The following CLTRN variants were observed in gnomAD, a reference collection of about 807,000 sequenced individuals.
The protein encoded by CLTRN is collectrin.
Under a neutral mutation model 14.5 loss-of-function variants are expected in CLTRN, and 12 were observed. The observed-to-expected ratio is 0.83, with a 90% CI of 0.53 to 1.34. CLTRN has a LOEUF of 1.34. CLTRN is among the 40% of genes most tolerant of loss of function. CLTRN has a pLI of 0.00. For synonymous variants in CLTRN, 58 were observed against 56.5 expected (o/e 1.03, Z -0.12); for missense variants, 154 against 165.1 (o/e 0.93, Z 0.37).
Position 15,630,346 on chromosome X carries a change from G to A in CLTRN, c.513-2219C>T, listed in dbSNP as rs767831370. Reference sequence around the variant, plus strand: ...CAGTAGCCCTAGGTAGACCTTGAACGGGCTTTACCACAAGAAAGAAGGAAG... The same window carrying A: ...CAGTAGCCCTAGGTAGACCTTGAACAGGCTTTACCACAAGAAAGAAGGAAG... On this transcript the variant is annotated intron_variant, in intron 5 of 5. Transcript: ENST00000380342. Among the ~76,000 whole-genome samples the A allele has an allele frequency of 8.8e-5, 9 of 102,610 alleles. No individual in the cohort carries two copies. The South Asian group carries it at 2.7e-3, about 31-fold the overall frequency. The allele number at this position is 102,610 out of a possible 115,157, so 89.1% of individuals were successfully genotyped here.
chrX:15,645,089 C>T (rs1187509894), intron 3 of CLTRN, 60 bp from the exon 4 acceptor site: 2 of 678,355 alleles, frequency 2.9e-6, no homozygotes, highest in Non-Finnish European at 2.2e-6. Context: ...GGCATTAAAC[C>T]GTTCACTCTG....
At chrX:15,663,493 C>T (rs1428258396) in intron 2 of CLTRN, among the ~76,000 whole-genome samples, 1 of 112,399 alleles carries the variant, frequency 8.9e-6, no homozygotes, top group Non-Finnish European at 1.9e-5. Flanking sequence ...GTTGTGAGGG[C>T]TAAATGATTT....
In CLTRN at chrX:15,627,981, G is replaced by A; in HGVS notation, c.659C>T (p.Thr220Ile). 1 of 1,032,776 alleles carries A rather than the reference G, an allele frequency of 9.7e-7. No homozygotes were observed. Among genetic ancestry groups the A allele is most frequent in the Non-Finnish European group, 1.3e-6 (1 of 797,423 alleles). The allele number at this position is 1,032,776 out of a possible 1,213,427, so 85.1% of individuals were successfully genotyped here. Residue 220 changes from threonine to isoleucine, a missense_variant, in exon 6 of 6, where the codon ACC becomes ATC. Transcript: ENST00000380342. ...DAFMTEDERL[T>I]PL Reference sequence around the variant, plus strand: ...CAGAACAACAGCCCTTCAGAGAGGGGTGAGCCTCTCATCCTCTGTCATGAA... The same window carrying A: ...CAGAACAACAGCCCTTCAGAGAGGGATGAGCCTCTCATCCTCTGTCATGAA...
At chrX:15,646,775 G>T in intron 3 of CLTRN, 1 of 338,086 alleles carries the variant, frequency 3.0e-6, no homozygotes, top group Non-Finnish European at 5.9e-6. Flanking sequence ...ACATGAAGCG[G>T]TGGCTTTGGA....
chrX:15,669,707 T>C (rs16980081), upstream of CLTRN, among the ~76,000 whole-genome samples: 321 of 112,095 alleles, frequency 2.9e-3, 1 homozygote, highest in African/African-American at 0.01. Context: ...TGGGCGTATG[T>C]AGGCTCCATT....
At chrX:15,628,207 G>A in intron 5 of CLTRN, 80 bp from the exon 6 acceptor site, 1 of 735,165 alleles carries the variant, frequency 1.4e-6, no homozygotes, top group Non-Finnish European at 1.8e-6. Context: ...AACGAACATG[G>A]AGAACAGGAA....
chrX:15,672,763 T>A (rs1395037248), intron 1 of CLTRN, among the ~76,000 whole-genome samples: 1 of 111,819 alleles, frequency 8.9e-6, no homozygotes, highest in Non-Finnish European at 1.9e-5. Flanking sequence ...TGCAGCCATT[T>A]GCTCATCCCA....
At chrX:15,665,096 G>A (rs755882876), upstream of CLTRN, 6 of 223,829 alleles carry the variant, frequency 2.7e-5, no homozygotes, top group South Asian at 8.8e-5. Flanking sequence ...CTCTGGTTAC[G>A]TGTATGATGG....
intron 5 of CLTRN, among the ~76,000 whole-genome samples, chrX:15,633,560 AT>A (rs1928750182): frequency 8.9e-6 from 1 of 112,960 alleles, no homozygotes; most frequent in Non-Finnish European, 1.9e-5. Flanking sequence ...TATATTCGCT[AT>A]GACATTACTC....
At chrX:15,664,653 C>G in intron 1 of CLTRN, 65 bp downstream of exon 1, 1 of 1,008,385 alleles carries the variant, frequency 9.9e-7, no homozygotes, top group Non-Finnish European at 1.4e-6. Flanking sequence ...AGAGTTCTTT[C>G]AGTCGATGAC....
intron 3 of CLTRN, chrX:15,646,226 G>C (rs1601726910): frequency 4.4e-6 from 1 of 229,803 alleles, no homozygotes; most frequent in East Asian, 1.2e-4. Context: ...CCTGCCCCAT[G>C]CAACACTTGG....
chrX:15,628,044 TC>T lies in CLTRN; in HGVS notation c.595del (p.Asp199IlefsTer5). 1 of 1,150,233 alleles carries T rather than the reference TC, an allele frequency of 8.7e-7. No homozygotes were observed. The highest frequency in any genetic ancestry group is 1.2e-6 in the Non-Finnish European group (1 of 860,827). 94.8% of individuals were successfully genotyped at this position (1,150,233 alleles called of 1,213,427 possible). ...MITIENGIPS[D>X]PLDMKGGHIN... ...ATGCCCTCCCTTCATGTCCAGGGGA[TC>T]AGAGGGGATGCCATTTTCAATTGTG... On this transcript the variant is annotated frameshift_variant, in exon 6 of 6. Coordinates refer to ENST00000380342, the MANE Select transcript of CLTRN (RefSeq NM_020665.6). LOFTEE classifies it high-confidence loss of function.
intron 4 of CLTRN, among the ~76,000 whole-genome samples, chrX:15,642,329 G>A (rs1306202077): frequency 2.7e-5 from 3 of 112,041 alleles, no homozygotes; most frequent in Admixed American, 1.9e-4. Context: ...ATTAGGCCAC[G>A]CCCTCACAAA....
Position 15,645,087 on chromosome X carries a change from A to G in CLTRN, c.204-58T>C, listed in dbSNP as rs752101672. 17 of 703,804 alleles carry G rather than the reference A, an allele frequency of 2.4e-5. No individual in the cohort carries two copies. In the Admixed American group the frequency reaches 3.3e-4, roughly 14 times the overall value. The allele number at this position is 703,804 out of a possible 1,213,427, so 58.0% of individuals were successfully genotyped here. A position where few individuals can be genotyped will look rare whatever the true frequency, so the allele number is the denominator to read the frequency against. On this transcript the variant is annotated intron_variant, in intron 3 of 5. Transcript: ENST00000380342. ...AGAATATCATACCAAATGGCATTAAACCGTTCACTCTGATGCTACTACTAT... is the reference window on the plus strand; with the variant it reads ...AGAATATCATACCAAATGGCATTAAGCCGTTCACTCTGATGCTACTACTAT...
chrX:15,650,284 A>C (rs764737481), intron 3 of CLTRN, among the ~76,000 whole-genome samples: 1 of 110,038 alleles, frequency 9.1e-6, no homozygotes, highest in East Asian at 2.8e-4. Context: ...CATACATATA[A>C]GAGCAAAGCA....
At chrX:15,664,884 C>T (rs1332107414), upstream of CLTRN, 29 of 635,391 alleles carry the variant, frequency 4.6e-5, no homozygotes, top group East Asian at 4.2e-4. Flanking sequence ...GAGAAACAAG[C>T]GAGCCACCAC....
upstream of CLTRN, among the ~76,000 whole-genome samples, chrX:15,668,878 TTC>T (rs1306579919): frequency 1.8e-5 from 2 of 112,162 alleles, no homozygotes; most frequent in Admixed American, 1.9e-4. Flanking sequence ...CAAGAAAATA[TTC>T]TGTTAAGATT....
At position 15,639,805 on chromosome X, in the gene CLTRN, A is replaced by C. The variant is rs1928899061; in HGVS notation, c.318-49T>G. ...ATAAACAAAATAAGACAGAAAAAAAACTATTAAGACAAAGTACAAACCTGT... is the reference window on the plus strand; with the variant it reads ...ATAAACAAAATAAGACAGAAAAAAACCTATTAAGACAAAGTACAAACCTGT... On this transcript the variant is annotated intron_variant, in intron 4 of 5. Coordinates refer to ENST00000380342, the MANE Select transcript of CLTRN (RefSeq NM_020665.6). 5.7e-6 allele frequency: 6 copies of C among 1,049,102 alleles called. No homozygotes were observed. In the Middle Eastern group the frequency reaches 7.9e-4, roughly 138 times the overall value. 86.5% of individuals were successfully genotyped at this position (1,049,102 alleles called of 1,213,427 possible).
intron 5 of CLTRN, among the ~76,000 whole-genome samples, chrX:15,636,687 G>A (rs1410395019): frequency 2.7e-5 from 3 of 111,617 alleles, no homozygotes; most frequent in African/African-American, 9.8e-5. Flanking sequence ...ATATCTTGGT[G>A]GAAAAGAGAT....
Sources: allele counts gnomAD v4.1 joint callset (sites outside exome capture counted in the v4.1 genomes callset), GRCh38; gene constraint gnomAD v4.1.1; transcripts MANE v1.5; gene names NCBI Gene and HGNC (gene_info 2026-07-23, HGNC 2026-07-21).